LMO7: variants seen among roughly 807,000 people sequenced by gnomAD.
The protein encoded by LMO7 is LIM domain only protein 7.
In LMO7, 120 loss-of-function variants were observed where a neutral mutation model predicts 206.5. The ratio of observed to expected loss-of-function variants is 0.58; its 90% CI spans 0.50 to 0.68. The LOEUF (loss-of-function observed/expected upper bound fraction) is 0.68, where lower values mean the gene tolerates loss of function less well. Among genes scored for constraint, LMO7 ranks in the 30% least tolerant of loss-of-function variants. The pLI is 0.00. For synonymous variants in LMO7, 706 were observed against 681.5 expected, an observed-to-expected ratio of 1.04 and a Z score of -0.56; for missense variants, 1,959 against 1,957.9, an observed-to-expected ratio of 1.00 and a Z score of -0.01.
chr13:75,711,994 A>C (rs1180356674), intron 1 of LMO7, among the ~76,000 whole-genome samples: 1 of 152,150 alleles, frequency 6.6e-6, no homozygotes, highest in Admixed American at 6.5e-5. Context: ...CTCCTGTCCA[A>C]ATGTATAGAC....
intron 25 of LMO7, among the ~76,000 whole-genome samples, chr13:75,843,514 AG>A (rs1436212619): frequency 2.0e-5 from 3 of 152,206 alleles, no homozygotes; most frequent in Admixed American, 2.0e-4. Context: ...CATTTTAAAA[AG>A]GTTATGAATA....
At position 75,746,304 on chromosome 13, in the gene LMO7, ATGT is replaced by A. The variant is rs760422634; in HGVS notation, c.211-14623_211-14621del. Reference sequence around the variant, plus strand: ...TATAAAAGAGTGATGTAGATTTTAAATGTTGTTCCCTGGCAGCATCATGGAAAA... The same window carrying A: ...TATAAAAGAGTGATGTAGATTTTAAATGTTCCCTGGCAGCATCATGGAAAA... On this transcript the variant is annotated intron_variant, in intron 3 of 30. Transcript: ENST00000377534. Among the ~76,000 whole-genome samples the A allele has an allele frequency of 9.2e-5, 14 of 152,300 alleles. 1 individual carries two copies. The East Asian group carries it at 2.7e-3, about 29-fold the overall frequency.
intron 1 of LMO7, among the ~76,000 whole-genome samples, chr13:75,674,180 A>T (rs2039826557): frequency 6.6e-6 from 1 of 152,266 alleles, no homozygotes; most frequent in Admixed American, 6.5e-5. Flanking sequence ...AATAGAAGAC[A>T]GTGACTTTAA....
intron 15 of LMO7, among the ~76,000 whole-genome samples, chr13:75,831,663 C>T (rs2058679643): frequency 6.6e-6 from 1 of 152,036 alleles, no homozygotes; most frequent in Admixed American, 6.6e-5. Context: ...TGTGCAGAGA[C>T]CCAAAACAAG....
Position 75,725,999 on chromosome 13 carries a change from T to G in LMO7, c.141-1030T>G, listed in dbSNP as rs899252071. On this transcript the variant is annotated intron_variant, in intron 2 of 30. Transcript: ENST00000377534. ...TCCACAGGCTTCAGATTTTTTTTTT[T>G]TTTTGCTGCCCATTGTGCTAAGGAG... Among the ~76,000 whole-genome samples, 3 of 151,870 alleles carry G rather than the reference T, an allele frequency of 2.0e-5. No individual in the cohort carries two copies. The East Asian group carries it at 5.8e-4, about 29-fold the overall frequency.
At position 75,707,854 on chromosome 13, in the gene LMO7, A is replaced by AT. The variant is rs1394539715; in HGVS notation, c.70-5327dup. 1.8e-3 allele frequency among the ~76,000 whole-genome samples: 270 copies of AT among 152,008 alleles called. 4 individuals are homozygous for AT. The highest frequency in any genetic ancestry group is 1.6e-3 in the Non-Finnish European group (108 of 67,964). On this transcript the variant is annotated intron_variant, in intron 1 of 30. Coordinates refer to ENST00000377534, the MANE Select transcript of LMO7 (RefSeq NM_001306080.2). Reference sequence around the variant, plus strand: ...TACAAGAGTACATCAATATTTAGATATATGAGGGGGTCTTCAGACCCCCTC... The same window carrying AT: ...TACAAGAGTACATCAATATTTAGATATTATGAGGGGGTCTTCAGACCCCCTC...
At chr13:75,767,629 G>T (rs189554131) in intron 4 of LMO7, among the ~76,000 whole-genome samples, 59 of 152,052 alleles carry the variant, frequency 3.9e-4, no homozygotes, top group African/African-American at 1.2e-3. Context: ...ACACTGGAAG[G>T]ATCTGAACAC....
chr13:75,789,339 A>T (rs1273453656), intron 4 of LMO7, among the ~76,000 whole-genome samples: 1 of 152,146 alleles, frequency 6.6e-6, no homozygotes, highest in Non-Finnish European at 1.5e-5. Flanking sequence ...CTAGGAGGTT[A>T]TGTTATTTAG....
intron 4 of LMO7, among the ~76,000 whole-genome samples, chr13:75,775,575 A>G (rs906402145): frequency 1.3e-5 from 2 of 152,138 alleles, no homozygotes; most frequent in African/African-American, 4.8e-5. Context: ...TATTTGACAC[A>G]GGGCTAATAT....
intron 13 of LMO7, among the ~76,000 whole-genome samples, chr13:75,820,921 C>A (rs145302527): frequency 1.1e-3 from 160 of 150,534 alleles, no homozygotes; most frequent in Admixed American, 1.5e-3. Context: ...TGCTTGAATG[C>A]GGGAGGCGGA....
At chr13:75,681,710 ATATATATG>A (rs1249331248) in intron 1 of LMO7, among the ~76,000 whole-genome samples, 54 of 107,014 alleles carry the variant, frequency 5.0e-4, no homozygotes, top group South Asian at 2.5e-3. Flanking sequence ...GTATGTGTAT[ATATATATG>A]TATATATATA....
intron 10 of LMO7, 122 bp from the exon 11 acceptor site, chr13:75,809,032 G>A: frequency 4.0e-6 from 3 of 757,602 alleles, no homozygotes; most frequent in Non-Finnish European, 7.1e-6. Context: ...TGTGATGGAA[G>A]AAGTGACCTT....
chr13:75,749,092 G>C (rs2047082252), intron 3 of LMO7, among the ~76,000 whole-genome samples: 1 of 152,066 alleles, frequency 6.6e-6, no homozygotes, highest in African/African-American at 2.4e-5. Flanking sequence ...AAGTGAATCA[G>C]CCTCATAAAA....
chr13:75,675,083 C>CTTT (rs141613191), intron 1 of LMO7, among the ~76,000 whole-genome samples: 659 of 145,806 alleles, frequency 4.5e-3, no homozygotes, highest in African/African-American at 0.014. Flanking sequence ...TTTCTTTTTT[C>CTTT]TTTTTTTTTT....
intron 3 of LMO7, among the ~76,000 whole-genome samples, chr13:75,746,980 A>G (rs2046891966): frequency 6.6e-6 from 1 of 152,142 alleles, no homozygotes; most frequent in South Asian, 2.1e-4. Context: ...TACATTAAAA[A>G]AAAAGATGGG....
At chr13:75,632,442 G>T (rs948756259), upstream of LMO7, among the ~76,000 whole-genome samples, 4 of 152,174 alleles carry the variant, frequency 2.6e-5, no homozygotes, top group African/African-American at 9.7e-5. Flanking sequence ...GAGACCAAAG[G>T]GAAATAACCT....
intron 15 of LMO7, among the ~76,000 whole-genome samples, chr13:75,829,416 G>A (rs1207054376): frequency 1.3e-5 from 2 of 152,122 alleles, no homozygotes; most frequent in African/African-American, 4.8e-5. Context: ...GCCACAGTGG[G>A]ATGAAGGAAG....
chr13:75,777,921 A>G (rs1445031178), intron 4 of LMO7, among the ~76,000 whole-genome samples: 1 of 152,112 alleles, frequency 6.6e-6, no homozygotes, highest in Non-Finnish European at 1.5e-5. Flanking sequence ...CTGGGATTAC[A>G]GGCGTAAGCC....
intron 15 of LMO7, among the ~76,000 whole-genome samples, chr13:75,825,926 A>G (rs1375574729): frequency 6.6e-6 from 1 of 152,128 alleles, no homozygotes; most frequent in Non-Finnish European, 1.5e-5. Context: ...AATGTTCTTC[A>G]GGTCATTTTT....
Sources: gnomAD v4.1 joint callset for allele counts (sites outside exome capture counted in the v4.1 genomes callset) on GRCh38, gnomAD v4.1.1 for gene constraint, MANE v1.5 for transcripts, NCBI Gene and HGNC (gene_info 2026-07-23, HGNC 2026-07-21) for gene names.